The following PRKCE variants were observed in gnomAD, a reference collection of about 807,000 sequenced individuals.
The protein encoded by PRKCE is protein kinase C epsilon.
Under a neutral mutation model 85.4 loss-of-function variants are expected in PRKCE, and 16 were observed. The ratio of observed to expected loss-of-function variants is 0.19; its 90% confidence interval spans 0.13 to 0.28. The LOEUF (loss-of-function observed/expected upper bound fraction) is 0.28, where lower values mean the gene tolerates loss of function less well. Ranked by LOEUF, PRKCE falls within the 10% of genes least tolerant of loss-of-function variation. PRKCE has a pLI of 1.00. For missense variants in PRKCE, 573 were observed against 975.2 expected, an observed-to-expected ratio of 0.59 and a Z score of 5.49; for synonymous variants, 388 against 371.5, an observed-to-expected ratio of 1.04 and a Z score of -0.51.
chr2:45,652,851 C>G lies in PRKCE; in HGVS notation c.348+403C>G, dbSNP rs1675190179. Among the ~76,000 whole-genome samples the G allele has an allele frequency of 6.6e-6, 1 of 152,172 alleles. No individual in the cohort carries two copies. The highest frequency in any genetic ancestry group is 1.5e-5 in the Non-Finnish European group (1 of 68,028). Reference sequence around the variant, plus strand: ...TTGGAAAGGCACGTGGAGCCTTTGACTGAAGGCTTCTTGCACGTCCTGGCT... The same window carrying G: ...TTGGAAAGGCACGTGGAGCCTTTGAGTGAAGGCTTCTTGCACGTCCTGGCT... On this transcript the variant is annotated intron_variant, in intron 1 of 14. Transcript: ENST00000306156. This position sits in a 1 kb window ranked among gnomAD's most constrained non-coding sequence, Gnocchi z 7.7.
At chr2:46,175,767 A>G (rs1184935120) in intron 14 of PRKCE, among the ~76,000 whole-genome samples, 1 of 152,146 alleles carries the variant, frequency 6.6e-6, no homozygotes, top group Non-Finnish European at 1.5e-5. Flanking sequence ...CCAAGAAGTC[A>G]TGAAGCTGAG....
In PRKCE at chr2:45,902,306, T is replaced by C. The variant is rs185482218; in HGVS notation, c.412+59243T>C. Among the ~76,000 whole-genome samples the C allele has an allele frequency of 2.8e-4, 42 of 152,244 alleles. No homozygotes were observed. In the East Asian group the frequency reaches 4.6e-3, roughly 17 times the overall value. ...TGCAGTAATTGGAACATGAGTGTAA[T>C]ACATACAGTAAACAGAATTCTGCCT... On this transcript the variant is annotated intron_variant, in intron 2 of 14. Transcript: ENST00000306156.
chr2:45,823,386 T>C lies in PRKCE; in HGVS notation c.349-19614T>C, dbSNP rs1450201749. On this transcript the variant is annotated intron_variant, in intron 1 of 14. Transcript: ENST00000306156. ...CACCCCTAGTAGCTGAGCTGTTGAA[T>C]TACTTTCGCAGACAGGCTATTGAAA... 2.0e-5 allele frequency among the ~76,000 whole-genome samples: 3 copies of C among 152,256 alleles called. No homozygotes were observed. In the East Asian group the frequency reaches 5.8e-4, roughly 29 times the overall value.
At chr2:45,829,021 A>C (rs894665898) in intron 1 of PRKCE, among the ~76,000 whole-genome samples, 2 of 6,892 alleles carry the variant, frequency 2.9e-4, no homozygotes, top group African/African-American at 1.0e-3. Flanking sequence ...CATATAATTC[A>C]ACAAGTTTTT....
chr2:45,765,384 T>C (rs1237235359), intron 1 of PRKCE, among the ~76,000 whole-genome samples: 1 of 152,214 alleles, frequency 6.6e-6, no homozygotes, highest in Non-Finnish European at 1.5e-5. Context: ...AGGTGTGAAC[T>C]GTAGGTAGAG....
intron 14 of PRKCE, among the ~76,000 whole-genome samples, chr2:46,177,191 G>T (rs1433884080): frequency 6.6e-6 from 1 of 152,170 alleles, no homozygotes; most frequent in African/African-American, 2.4e-5. Context: ...TGAGGTGGGA[G>T]GATCACTTGA....
At chr2:45,909,876 T>C (rs1573840534) in intron 2 of PRKCE, among the ~76,000 whole-genome samples, 1 of 152,306 alleles carries the variant, frequency 6.6e-6, no homozygotes, top group Non-Finnish European at 1.5e-5. Context: ...AACTTAATTT[T>C]CCCCAAACCT....
intron 2 of PRKCE, among the ~76,000 whole-genome samples, chr2:45,897,731 G>A (rs190042711): frequency 8.5e-4 from 129 of 152,302 alleles, no homozygotes; most frequent in African/African-American, 2.8e-3. Context: ...AGTGTGGGGG[G>A]TACTGAGATG....
rs569357384 is a variant in PRKCE at position 46,031,241 on chromosome 2, A to G, written c.1437+20724A>G. On this transcript the variant is annotated intron_variant, in intron 10 of 14. Transcript: ENST00000306156. Reference sequence around the variant, plus strand: ...TCATGCCCAGCAAAATAAAATGTCAATATCTCCTTGTTCCTTTGTTGGCTC... The same window carrying G: ...TCATGCCCAGCAAAATAAAATGTCAGTATCTCCTTGTTCCTTTGTTGGCTC... 2.0e-5 allele frequency among the ~76,000 whole-genome samples: 3 copies of G among 152,312 alleles called. No individual in the cohort carries two copies. The South Asian group carries it at 6.2e-4, about 32-fold the overall frequency.
intron 1 of PRKCE, among the ~76,000 whole-genome samples, chr2:45,653,160 T>C (rs970105194): frequency 3.9e-5 from 6 of 152,176 alleles, no homozygotes; most frequent in African/African-American, 1.4e-4. Flanking sequence ...GTTATATTGT[T>C]TCTCTGTTTT....
At chr2:46,023,979 A>T (rs1389976700) in intron 10 of PRKCE, among the ~76,000 whole-genome samples, 2 of 152,210 alleles carry the variant, frequency 1.3e-5, no homozygotes, top group African/African-American at 2.4e-5. Flanking sequence ...ATGAGGTAGG[A>T]CTGTTATTCC....
chr2:45,950,328 G>A (rs1700537741), intron 2 of PRKCE, among the ~76,000 whole-genome samples: 1 of 152,166 alleles, frequency 6.6e-6, no homozygotes, highest in Admixed American at 6.5e-5. Flanking sequence ...TTATACACCA[G>A]ACCATTTATT....
At chr2:46,093,927 G>A (rs1670431052) in intron 11 of PRKCE, among the ~76,000 whole-genome samples, 1 of 151,900 alleles carries the variant, frequency 6.6e-6, no homozygotes, top group African/African-American at 2.4e-5. Flanking sequence ...TCAGTTATGT[G>A]GTATGCTATA....
At chr2:45,834,592 A>ATG (rs35972016) in intron 1 of PRKCE, among the ~76,000 whole-genome samples, 4,750 of 149,304 alleles carry the variant, frequency 0.032, 90 homozygotes, top group South Asian at 0.063. Flanking sequence ...GCATGTGTGT[A>ATG]TGTGTGTGTG....
At chr2:45,795,075 C>T (rs980119452) in intron 1 of PRKCE, among the ~76,000 whole-genome samples, 2 of 152,202 alleles carry the variant, frequency 1.3e-5, no homozygotes, top group African/African-American at 4.8e-5. Context: ...GTGAGGCCAG[C>T]ACCTCTTCTC....
chr2:46,074,033 G>T (rs934331548), intron 10 of PRKCE: 9 of 152,108 alleles, frequency 5.9e-5, no homozygotes, highest in African/African-American at 2.2e-4. Context: ...CTCTCTTTGT[G>T]TAGTGTGAGC....
intron 10 of PRKCE, among the ~76,000 whole-genome samples, chr2:46,074,446 A>G (rs909355245): frequency 4.0e-5 from 6 of 149,930 alleles, no homozygotes; most frequent in African/African-American, 1.5e-4. Flanking sequence ...AAAAAAAAAA[A>G]AAGAAAAACA....
intron 1 of PRKCE, among the ~76,000 whole-genome samples, chr2:45,749,292 T>C (rs368886020): frequency 3.3e-5 from 5 of 152,162 alleles, no homozygotes; most frequent in Non-Finnish European, 7.3e-5. Context: ...GCAAAACCTA[T>C]TTAGGAAGAA....
chr2:45,711,829 C>G (rs529138140), intron 1 of PRKCE, among the ~76,000 whole-genome samples: 2 of 152,220 alleles, frequency 1.3e-5, no homozygotes, highest in Middle Eastern at 3.4e-3. Context: ...TTCACTATGT[C>G]GGTCAGGATG....
Sources: allele counts gnomAD v4.1 joint callset (sites outside exome capture counted in the v4.1 genomes callset), GRCh38; gene constraint gnomAD v4.1.1; non-coding constraint Gnocchi (gnomAD v3.1); transcripts MANE v1.5; gene names NCBI Gene and HGNC (gene_info 2026-07-23, HGNC 2026-07-21).